Variants in GAB4 observed in about 807,000 individuals in gnomAD.
GAB4 encodes GRB2-associated-binding protein 4.
Under a neutral mutation model 51.3 loss-of-function variants are expected in GAB4, and 26 were observed. The observed-to-expected ratio is 0.51, with a 90% CI of 0.37 to 0.70. The LOEUF is 0.70. Among genes scored for constraint, GAB4 ranks in the 30% least tolerant of loss-of-function variants. The pLI, the probability that GAB4 is intolerant of heterozygous loss-of-function variation, is 0.00. For synonymous variants in GAB4, 329 were observed against 291.2 expected (o/e 1.13, Z -1.32); for missense variants, 759 against 734.6 (o/e 1.03, Z -0.38).
chr22:16,999,815 T>C (rs1473661575), intron 1 of GAB4, among the ~76,000 whole-genome samples: 2 of 152,260 alleles, frequency 1.3e-5, no homozygotes, highest in Non-Finnish European at 2.9e-5. Context: ...GCTTTGAATG[T>C]GTCCCAGAGC....
At chr22:16,988,802 C>T (rs557582020) in intron 2 of GAB4, among the ~76,000 whole-genome samples, 2 of 152,302 alleles carry the variant, frequency 1.3e-5, no homozygotes, top group East Asian at 1.9e-4. Context: ...TTTCCTATAC[C>T]CACGACCAAG....
intron 5 of GAB4, chr22:16,966,573 G>T: frequency 1.8e-6 from 1 of 570,868 alleles, no homozygotes; most frequent in Non-Finnish European, 3.1e-6. Context: ...GGCCCCTCTG[G>T]GCAGCCTCAG....
At chr22:16,990,882 A>G (rs2060907945) in intron 2 of GAB4, among the ~76,000 whole-genome samples, 1 of 152,188 alleles carries the variant, frequency 6.6e-6, no homozygotes, top group Non-Finnish European at 1.5e-5. Flanking sequence ...ACTGACTTAC[A>G]AGAATGAATT....
intron 1 of GAB4, among the ~76,000 whole-genome samples, chr22:16,998,361 A>G (rs1387553129): frequency 6.6e-6 from 1 of 152,164 alleles, no homozygotes; most frequent in Non-Finnish European, 1.5e-5. Flanking sequence ...GGTCCTTCCT[A>G]TCCCTTGTAA....
At chr22:16,986,646 T>C (rs2060870647) in intron 3 of GAB4, among the ~76,000 whole-genome samples, 2 of 152,216 alleles carry the variant, frequency 1.3e-5, no homozygotes, top group South Asian at 4.1e-4. Context: ...TGTGCCATGC[T>C]TTCCATTGCA....
intron 3 of GAB4, among the ~76,000 whole-genome samples, chr22:16,985,036 T>C (rs1214138698): frequency 1.3e-5 from 2 of 152,168 alleles, no homozygotes; most frequent in Admixed American, 1.3e-4. Context: ...CTCCTTTCAT[T>C]TACCTCCCAG....
At chr22:16,985,264 T>C (rs2060858200) in intron 3 of GAB4, among the ~76,000 whole-genome samples, 1 of 152,258 alleles carries the variant, frequency 6.6e-6, no homozygotes, top group South Asian at 2.1e-4. Flanking sequence ...AAAGTCTTTG[T>C]AGGCTAGCTC....
At chr22:16,989,665 T>C (rs919189773) in intron 2 of GAB4, among the ~76,000 whole-genome samples, 1 of 152,076 alleles carries the variant, frequency 6.6e-6, no homozygotes, top group Non-Finnish European at 1.5e-5. Flanking sequence ...GGGTCTATGC[T>C]AGGGGGCCAA....
chr22:16,969,795 A>T, intron 4 of GAB4, 148 bp downstream of exon 4: 1 of 1,002,780 alleles, frequency 1.0e-6, no homozygotes, highest in Non-Finnish European at 1.5e-6. Flanking sequence ...AGTGGCCACC[A>T]CCATGGCATA....
chr22:16,965,490 A>C (rs2060665255), intron 6 of GAB4, among the ~76,000 whole-genome samples: 1 of 152,160 alleles, frequency 6.6e-6, no homozygotes, highest in Admixed American at 6.5e-5. Flanking sequence ...CTCCCACTGT[A>C]TCTATAGCCA....
intron 3 of GAB4, among the ~76,000 whole-genome samples, chr22:16,986,893 A>G (rs903373187): frequency 1.3e-5 from 2 of 152,184 alleles, no homozygotes; most frequent in African/African-American, 4.8e-5. Flanking sequence ...CTGCCATGTT[A>G]CAGAAAAAGG....
rs932649353 is a variant in GAB4 at position 16,963,690 on chromosome 22, A to G, written c.1581+35T>C. 6.0e-5 allele frequency: 92 copies of G among 1,522,064 alleles called. No homozygotes were observed. The Admixed American group carries it at 1.4e-3, about 23-fold the overall frequency. 94.3% of individuals were successfully genotyped at this position (1,522,064 alleles called of 1,614,324 possible). A position where few individuals can be genotyped will look rare whatever the true frequency, so the allele number is the denominator to read the frequency against. On this transcript the variant is annotated intron_variant, in intron 9 of 9. Transcript: ENST00000400588. ...CCCACAGTCTCTCCCCCAGGGCCCA[A>G]GGGCTCTGCCCAACCCCAGCTCCAC...
chr22:16,966,867 G>A (rs1379028147), intron 5 of GAB4: 2 of 162,288 alleles, frequency 1.2e-5, no homozygotes, highest in African/African-American at 2.4e-5. Context: ...ACATGGGTGT[G>A]GTGTAGAACT....
intron 1 of GAB4, among the ~76,000 whole-genome samples, chr22:16,995,348 T>C (rs2060942720): frequency 3.9e-5 from 6 of 152,220 alleles, no homozygotes; most frequent in Admixed American, 3.9e-4. Context: ...GTGCCTGTAA[T>C]TTACTGGAAA....
intron 8 of GAB4, 139 bp from the exon 9 acceptor site, chr22:16,963,968 A>T: frequency 1.5e-6 from 1 of 654,170 alleles, no homozygotes; most frequent in Non-Finnish European, 2.7e-6. Context: ...CTGCTCATTC[A>T]AACCCTTTCA....
intron 3 of GAB4, among the ~76,000 whole-genome samples, chr22:16,982,241 T>C (rs1356971918): frequency 8.5e-5 from 13 of 152,212 alleles, no homozygotes; most frequent in Admixed American, 4.6e-4. Flanking sequence ...AGTAAAATTG[T>C]CCTTGTTTGC....
rs370562853 is a variant in GAB4 at position 17,000,218 on chromosome 22, T to G, written c.174+7723A>C. ...CTTTGTTAATTTTCTGTCTTGTTGA[T>G]CTGTCTAATGTTGACAGTGGGGTGT... is the stretch of plus-strand genomic sequence containing the variant. On this transcript the variant is annotated intron_variant, in intron 1 of 9. Transcript: ENST00000400588. Among the ~76,000 whole-genome samples, 11 of 152,360 alleles carry G rather than the reference T, an allele frequency of 7.2e-5. No homozygotes were observed. The East Asian group carries it at 1.3e-3, about 19-fold the overall frequency.
intron 3 of GAB4, among the ~76,000 whole-genome samples, chr22:16,980,710 A>G (rs1363035841): frequency 2.6e-5 from 4 of 152,246 alleles, no homozygotes; most frequent in Admixed American, 1.3e-4. Flanking sequence ...GTACACCCGT[A>G]TGTTTATTGC....
intron 2 of GAB4, among the ~76,000 whole-genome samples, chr22:16,989,133 G>A (rs989525217): frequency 6.6e-6 from 1 of 152,182 alleles, no homozygotes; most frequent in African/African-American, 2.4e-5. Context: ...CAGGTACATA[G>A]ATAGTTTTTA....
Sources: gnomAD v4.1 joint callset for allele counts (sites outside exome capture counted in the v4.1 genomes callset) on GRCh38, gnomAD v4.1.1 for gene constraint, MANE v1.5 for transcripts, NCBI Gene and HGNC (gene_info 2026-07-23, HGNC 2026-07-21) for gene names.